Variants in VPS13B observed in about 807,000 individuals in gnomAD.
VPS13B encodes intermembrane lipid transfer protein VPS13B.
In VPS13B, 285 loss-of-function variants were observed where a neutral mutation model predicts 426.4. The ratio of observed to expected loss-of-function variants is 0.67; its 90% CI spans 0.61 to 0.74. The LOEUF (loss-of-function observed/expected upper bound fraction) is 0.74. VPS13B is among the 30% of genes least tolerant of loss of function. VPS13B has a pLI of 0.00. For missense variants in VPS13B, 4,537 were observed against 4,782.6 expected (o/e 0.95, Z 1.51); for synonymous variants, 1,676 against 1,676.4 (o/e 1.00, Z 0.01).
rs34752686 is a variant in VPS13B, at chr8:99,474,183, A to ATTT, written c.3666+6567_3666+6569dup. On this transcript the variant is annotated intron_variant, in intron 24 of 61. Transcript: ENST00000357162. The stretch of plus-strand genomic sequence containing the variant: ...TCTTCAAACAATGGACTGTTATCCA[A>ATTT]TTTTTTTTTTTTTTTTTTTTGTGGA... Among the ~76,000 whole-genome samples the ATTT allele has an allele frequency of 5.0e-4, 63 of 124,964 alleles. 3 individuals carry two copies. The highest frequency in any genetic ancestry group is 2.0e-3 in the Admixed American group (23 of 11,620). The allele number at this position is 124,964 out of a possible 152,430, so 82.0% of individuals were successfully genotyped here.
chr8:99,517,690 A>T (rs1036593869), intron 29 of VPS13B, among the ~76,000 whole-genome samples: 2 of 152,184 alleles, frequency 1.3e-5, no homozygotes, highest in African/African-American at 4.8e-5. Flanking sequence ...TAGCATGTCT[A>T]GAATGAGTAG....
intron 7 of VPS13B, 125 bp from the exon 8 acceptor site, chr8:99,121,052 C>CAAA: frequency 1.3e-6 from 1 of 772,622 alleles, no homozygotes; most frequent in Non-Finnish European, 2.0e-6. Flanking sequence ...GTAATAATCA[C>CAAA]TGTATCATTT....
intron 17 of VPS13B, among the ~76,000 whole-genome samples, chr8:99,218,364 C>T (rs1815501737): frequency 6.6e-6 from 1 of 152,190 alleles, no homozygotes; most frequent in African/African-American, 2.4e-5. Flanking sequence ...TTTCTGATCA[C>T]TACCCTGGTA....
At chr8:99,658,953 C>G (rs1218539799) in intron 34 of VPS13B, among the ~76,000 whole-genome samples, 1 of 152,100 alleles carries the variant, frequency 6.6e-6, no homozygotes, top group Non-Finnish European at 1.5e-5. Context: ...GTAGCTGCTA[C>G]TATGGGGACT....
chr8:99,605,182 C>T (rs1427483456), intron 33 of VPS13B, among the ~76,000 whole-genome samples: 2 of 152,138 alleles, frequency 1.3e-5, no homozygotes, highest in Non-Finnish European at 2.9e-5. Context: ...GACTGACCTC[C>T]AGTGGTAATA....
intron 30 of VPS13B, among the ~76,000 whole-genome samples, chr8:99,523,639 A>G (rs1300175180): frequency 6.6e-6 from 1 of 152,186 alleles, no homozygotes. Context: ...GCACCTGTAC[A>G]AGTCTGCAAG....
At chr8:99,520,006 G>A (rs759595858) in intron 29 of VPS13B, among the ~76,000 whole-genome samples, 11 of 152,150 alleles carry the variant, frequency 7.2e-5, no homozygotes, top group African/African-American at 2.7e-4. Flanking sequence ...ATGCCAAATA[G>A]TCCTTAGAAA....
intron 33 of VPS13B, among the ~76,000 whole-genome samples, chr8:99,622,234 C>T (rs1224443977): frequency 6.6e-6 from 1 of 152,132 alleles, no homozygotes; most frequent in Non-Finnish European, 1.5e-5. Context: ...AATCTCACAC[C>T]ATCCCTGTAA....
chr8:99,757,810 T>C (rs1472441511), intron 39 of VPS13B, among the ~76,000 whole-genome samples: 1 of 152,208 alleles, frequency 6.6e-6, no homozygotes, highest in Non-Finnish European at 1.5e-5. Flanking sequence ...AGAGTACAGT[T>C]TATTATGTAT....
intron 51 of VPS13B, among the ~76,000 whole-genome samples, chr8:99,828,658 T>C (rs1814869773): frequency 6.6e-6 from 1 of 152,068 alleles, no homozygotes; most frequent in African/African-American, 2.4e-5. Context: ...AGTTGGTTAT[T>C]TTGCCCATTA....
chr8:99,161,487 A>G (rs1281946221), intron 15 of VPS13B, among the ~76,000 whole-genome samples: 1 of 152,218 alleles, frequency 6.6e-6, no homozygotes, highest in Non-Finnish European at 1.5e-5. Flanking sequence ...TCTACTTGTC[A>G]ATATGTTAAA....
chr8:99,714,868 A>T lies in VPS13B; in HGVS notation c.6455-2303A>T, dbSNP rs571702099. On this transcript the variant is annotated intron_variant, in intron 36 of 61. Coordinates refer to ENST00000357162, the MANE Select transcript of VPS13B (RefSeq NM_152564.5). ...AGAAGCTTTGATGATTAAATTCAGTATGGATCCTAGGTTGAATCCTGGACC... is the reference window on the plus strand; with the variant it reads ...AGAAGCTTTGATGATTAAATTCAGTTTGGATCCTAGGTTGAATCCTGGACC... Among the ~76,000 whole-genome samples the T allele has an allele frequency of 1.1e-4, 17 of 152,322 alleles. No individual in the cohort carries two copies. The East Asian group carries it at 2.5e-3, about 22-fold the overall frequency.
intron 39 of VPS13B, among the ~76,000 whole-genome samples, chr8:99,743,620 T>C (rs914428815): frequency 7.2e-5 from 11 of 152,040 alleles, no homozygotes; most frequent in Admixed American, 1.3e-4. Context: ...GGTTCCAAAA[T>C]AGAGATACAG....
At chr8:99,328,339 T>C (rs1430122907) in intron 19 of VPS13B, among the ~76,000 whole-genome samples, 1 of 152,184 alleles carries the variant, frequency 6.6e-6, no homozygotes, top group African/African-American at 2.4e-5. Flanking sequence ...GGATTTATTA[T>C]AAAGATTTCT....
At chr8:99,472,858 A>AAATT (rs1819486063) in intron 24 of VPS13B, among the ~76,000 whole-genome samples, 1 of 152,066 alleles carries the variant, frequency 6.6e-6, no homozygotes, top group South Asian at 2.1e-4. Flanking sequence ...GATAACATTA[A>AAATT]AAGCATAATA....
chr8:99,191,580 C>T (rs1813596180), intron 16 of VPS13B, among the ~76,000 whole-genome samples: 1 of 151,746 alleles, frequency 6.6e-6, no homozygotes, highest in South Asian at 2.1e-4. Context: ...GACGGGGTTT[C>T]ACCATGTTGG....
intron 26 of VPS13B, 88 bp from the exon 27 acceptor site, chr8:99,502,748 T>C (rs1821310706): frequency 1.0e-6 from 1 of 996,484 alleles, no homozygotes; most frequent in Non-Finnish European, 1.6e-6. Flanking sequence ...ATATCCAGCA[T>C]GCATTTGTCA....
intron 17 of VPS13B, among the ~76,000 whole-genome samples, chr8:99,225,291 G>GT (rs1815953923): frequency 6.8e-6 from 1 of 148,006 alleles, no homozygotes; most frequent in Non-Finnish European, 1.5e-5. Flanking sequence ...TTTTTTTTTT[G>GT]TTTTTTGAGA....
chr8:99,816,428 A>G (rs1192039283), intron 44 of VPS13B, among the ~76,000 whole-genome samples: 3 of 152,144 alleles, frequency 2.0e-5, no homozygotes, highest in Non-Finnish European at 2.9e-5. Flanking sequence ...AATACCTACT[A>G]TGAACTATAC....
Sources: gnomAD v4.1 joint callset for allele counts (sites outside exome capture counted in the v4.1 genomes callset) on GRCh38, gnomAD v4.1.1 for gene constraint, MANE v1.5 for transcripts, NCBI Gene and HGNC (gene_info 2026-07-23, HGNC 2026-07-21) for gene names.